The following ZMAT1 variants were observed in gnomAD, a reference collection of about 807,000 sequenced individuals.
ZMAT1 encodes the protein zinc finger matrin-type protein 1.
In ZMAT1, 11 loss-of-function variants were observed where a neutral mutation model predicts 18.5. That is an observed-to-expected ratio of 0.59 (90% CI 0.37 to 0.98). The LOEUF (loss-of-function observed/expected upper bound fraction) is 0.98. Ranked by LOEUF, ZMAT1 falls within the 50% of genes least tolerant of loss-of-function variation. The pLI, the probability that ZMAT1 is intolerant of heterozygous loss-of-function variation, is 0.01. For synonymous variants in ZMAT1, 211 were observed against 176.4 expected, an observed-to-expected ratio of 1.20 and a Z score of -1.55; for missense variants, 525 against 496.2, an observed-to-expected ratio of 1.06 and a Z score of -0.55.
At chrX:101,911,411 T>C (rs1464394515) in intron 1 of ZMAT1, 1 of 404,446 alleles carries the variant, frequency 2.5e-6, no homozygotes, top group Non-Finnish European at 4.1e-6. Flanking sequence ...CAGAGGTGTA[T>C]AAACTACTCT....
chrX:101,901,779 T>G (rs931966685), intron 2 of ZMAT1, among the ~76,000 whole-genome samples: 1 of 112,089 alleles, frequency 8.9e-6, no homozygotes, highest in Admixed American at 9.5e-5. Context: ...TTGATACATA[T>G]TCTTTCCAAA....
At chrX:101,910,825 A>G (rs1305866746) in intron 1 of ZMAT1, among the ~76,000 whole-genome samples, 1 of 111,976 alleles carries the variant, frequency 8.9e-6, no homozygotes. Context: ...GTTGGCCTGA[A>G]AGAGGAGGTA....
intron 4 of ZMAT1, chrX:101,894,807 A>G (rs1927681955): frequency 1.3e-6 from 1 of 750,899 alleles, no homozygotes; most frequent in Non-Finnish European, 1.6e-6. Context: ...AAGGCTGGGT[A>G]AAGAAAGAAC....
At chrX:101,909,104 CAG>C (rs1274594888) in intron 1 of ZMAT1, among the ~76,000 whole-genome samples, 1 of 109,605 alleles carries the variant, frequency 9.1e-6, no homozygotes, top group Non-Finnish European at 1.9e-5. Flanking sequence ...GAGCACCAGT[CAG>C]AGCTGTGAGG....
intron 1 of ZMAT1, chrX:101,912,021 C>T (rs1269611526): frequency 8.6e-7 from 1 of 1,167,679 alleles, no homozygotes; most frequent in Admixed American, 2.2e-5. Flanking sequence ...TGTGGAAAGG[C>T]CCTTACACAC....
chrX:101,893,112 A>G (rs887512115), intron 4 of ZMAT1, among the ~76,000 whole-genome samples: 5 of 111,769 alleles, frequency 4.5e-5, no homozygotes, highest in African/African-American at 1.6e-4. Flanking sequence ...ACTGGATTAA[A>G]TTATGCTGAT....
Position 101,884,798 on chromosome X carries a change from A to G in ZMAT1, c.800T>C (p.Val267Ala). 2.5e-6 allele frequency: 3 copies of G among 1,180,824 alleles called. No individual in the cohort carries two copies. The South Asian group carries it at 5.4e-5, about 21-fold the overall frequency. ...GTCTTGTGTCTTCCTTGAATTCTTC[A>G]CTAGATTGATAACAATGGATTCTCT... is the stretch of plus-strand genomic sequence containing the variant. ...QIKESIVINL[V>A]KNSRKTQDSY... Residue 267 changes from valine to alanine, a missense_variant, in exon 6 of 6, where the codon GTG becomes GCG. Physicochemically the swap from Val to Ala is moderately conservative, Grantham distance 64 (BLOSUM62 0). Transcript: ENST00000651725.
chrX:101,899,758 T>C (rs1352884380), intron 2 of ZMAT1, among the ~76,000 whole-genome samples: 2 of 112,674 alleles, frequency 1.8e-5, no homozygotes, highest in East Asian at 2.8e-4. Context: ...TGTGCTGCTA[T>C]AAATATGCGT....
chrX:101,883,873 G>A lies in ZMAT1; in HGVS notation c.1725C>T (p.Tyr575=), dbSNP rs747426798. 3.3e-6 allele frequency: 4 copies of A among 1,207,650 alleles called. No homozygotes were observed. The African/African-American group carries it at 7.1e-5, about 21-fold the overall frequency. ...SGSYSVESEV[Y]KHLSSENNTA... ...TATTGTTTTCTGAAGAGAGGTGCTT[G>A]TAAACTTCAGATTCTACACTGTATG... Residue 575 remains tyrosine, a synonymous_variant, in exon 6 of 6, where the codon TAC becomes TAT. Coordinates refer to ENST00000651725, the MANE Select transcript of ZMAT1 (RefSeq NM_001394560.1).
intron 4 of ZMAT1, among the ~76,000 whole-genome samples, chrX:101,892,107 A>C (rs1403672169): frequency 2.7e-5 from 3 of 110,864 alleles, no homozygotes; most frequent in Non-Finnish European, 3.8e-5. Context: ...GAAGAATGAT[A>C]TAGGTTTAAA....
rs375827817 is a variant in ZMAT1, at chrX:101,894,147, C to G, written c.676+3721G>C. On this transcript the variant is annotated intron_variant, in intron 4 of 5. Coordinates refer to ENST00000651725, the MANE Select transcript of ZMAT1 (RefSeq NM_001394560.1). ...AGTTAGGAGGTTGTGGCAATCACTT[C>G]TCAAAACTTATTCAGTACAAATCAC... 2.4e-4 allele frequency among the ~76,000 whole-genome samples: 27 copies of G among 111,521 alleles called. 3 individuals carry two copies. The highest frequency in any genetic ancestry group is 1.7e-3 in the East Asian group (6 of 3,532).
Position 101,884,078 on chromosome X carries a change from T to G in ZMAT1, c.1520A>C (p.Gln507Pro), listed in dbSNP as rs1351556696. The change falls in exon 6 of 6, where the codon CAG (glutamine) becomes CCG (proline). Residue 507 changes from glutamine to proline, a missense_variant. By Grantham distance (76) the Gln-to-Pro change is moderately conservative. Coordinates refer to ENST00000651725, the MANE Select transcript of ZMAT1 (RefSeq NM_001394560.1). ...LEQKLPCETFQTYSGPYSISQ... is the reference protein window; with the variant it reads ...LEQKLPCETFPTYSGPYSISQ... ...AATACTATATGGTCCTGAATAGGTCTGGAAAGTCTCACATGGGAGCTTTTG... is the reference window on the plus strand; with the variant it reads ...AATACTATATGGTCCTGAATAGGTCGGGAAAGTCTCACATGGGAGCTTTTG... 6 of 1,208,022 alleles carry G rather than the reference T, an allele frequency of 5.0e-6. No individual in the cohort carries two copies. The East Asian group carries it at 1.8e-4, about 36-fold the overall frequency.
intron 4 of ZMAT1, among the ~76,000 whole-genome samples, chrX:101,896,990 T>C (rs1455527492): frequency 1.8e-5 from 2 of 109,536 alleles, no homozygotes; most frequent in Non-Finnish European, 3.8e-5. Flanking sequence ...GCTATCATAA[T>C]AGAAAGAGAG....
At chrX:101,909,041 G>A (rs1476687516) in intron 1 of ZMAT1, among the ~76,000 whole-genome samples, 1 of 108,876 alleles carries the variant, frequency 9.2e-6, no homozygotes, top group Admixed American at 9.8e-5. Context: ...AGAGGTAAGA[G>A]AGGAGAGGAC....
At chrX:101,892,610 T>C (rs1245091027) in intron 4 of ZMAT1, 1 of 216,307 alleles carries the variant, frequency 4.6e-6, no homozygotes, top group Non-Finnish European at 6.7e-6. Flanking sequence ...GTATGTTGAG[T>C]TATAGGTGAA....
intron 1 of ZMAT1, among the ~76,000 whole-genome samples, chrX:101,905,742 G>T (rs941840826): frequency 1.8e-5 from 2 of 111,214 alleles, no homozygotes; most frequent in Non-Finnish European, 3.8e-5. Context: ...TTGCAGAAAA[G>T]AATGCAGGAC....
rs980166577 is a variant in ZMAT1, at chrX:101,925,933, T to C, written c.292+5784A>G. On this transcript the variant is annotated intron_variant, in intron 1 of 5. Coordinates refer to ENST00000651725, the MANE Select transcript of ZMAT1 (RefSeq NM_001394560.1). ...ATTCCATAGTTGTGACAACCAAAAA[T>C]ATCTCCAGACAACGTCAAATATCCC... Among the ~76,000 whole-genome samples, 3 of 112,126 alleles carry C rather than the reference T, an allele frequency of 2.7e-5. No homozygotes were observed. The Admixed American group carries it at 2.8e-4, about 11-fold the overall frequency.
intron 1 of ZMAT1, among the ~76,000 whole-genome samples, chrX:101,921,979 A>C (rs920016635): frequency 2.7e-5 from 3 of 111,232 alleles, no homozygotes; most frequent in Admixed American, 9.6e-5. Context: ...TCCCTCTAGG[A>C]CATAGTTAGA....
At chrX:101,889,083 C>T (rs982534594) in intron 4 of ZMAT1, 7 of 111,552 alleles carry the variant, frequency 6.3e-5, no homozygotes, top group Non-Finnish European at 9.4e-5. Context: ...AGTCTGATTA[C>T]CATTACCTTA....
Sources: allele counts gnomAD v4.1 joint callset (sites outside exome capture counted in the v4.1 genomes callset), GRCh38; gene constraint gnomAD v4.1.1; transcripts MANE v1.5; gene names NCBI Gene and HGNC (gene_info 2026-07-23, HGNC 2026-07-21).